PI4KA: variants seen among roughly 807,000 people sequenced by gnomAD.
PI4KA encodes phosphatidylinositol 4-kinase alpha.
In PI4KA, 122 loss-of-function variants were observed where a neutral mutation model predicts 271.4. The ratio of observed to expected loss-of-function variants is 0.45; its 90% CI spans 0.39 to 0.52. The LOEUF is 0.52. PI4KA is among the 20% of genes least tolerant of loss of function. The pLI is 0.00. For synonymous variants in PI4KA, 1,041 were observed against 1,078.8 expected (o/e 0.96, Z 0.69); for missense variants, 1,969 against 2,769.1 (o/e 0.71, Z 6.48).
At chr22:20,837,048 AT>A (rs1235862884) in intron 2 of PI4KA, among the ~76,000 whole-genome samples, 1 of 152,056 alleles carries the variant, frequency 6.6e-6, no homozygotes, top group African/African-American at 2.4e-5. Flanking sequence ...TATGTAGGAT[AT>A]GGTAAACAGA....
intron 19 of PI4KA, 99 bp from the exon 20 acceptor site, chr22:20,765,792 A>G: frequency 1.3e-6 from 1 of 757,294 alleles, no homozygotes; most frequent in Non-Finnish European, 2.3e-6. Context: ...CTCTAAGAGC[A>G]TTCTCAGAAA....
At chr22:20,731,454 T>C (rs181700510) in intron 36 of PI4KA, among the ~76,000 whole-genome samples, 1 of 152,260 alleles carries the variant, frequency 6.6e-6, no homozygotes, top group East Asian at 1.9e-4. Context: ...CCAGGCAATG[T>C]GGCCCACACC....
chr22:20,725,175 G>T (rs958123767), intron 42 of PI4KA, among the ~76,000 whole-genome samples: 1 of 152,204 alleles, frequency 6.6e-6, no homozygotes, highest in African/African-American at 2.4e-5. Flanking sequence ...ACTCAGCCAG[G>T]ACACATGGAG....
chr22:20,848,099 A>C (rs1195107000), intron 1 of PI4KA, among the ~76,000 whole-genome samples: 3 of 152,066 alleles, frequency 2.0e-5, no homozygotes, highest in African/African-American at 7.2e-5. Flanking sequence ...TTAGCCGGGC[A>C]TGGTTGTGCA....
At chr22:20,722,670 T>TC (rs1926880788) in intron 42 of PI4KA, among the ~76,000 whole-genome samples, 1 of 152,192 alleles carries the variant, frequency 6.6e-6, no homozygotes, top group South Asian at 2.1e-4. Flanking sequence ...AACTCCAGTT[T>TC]TAATTCCATG....
intron 43 of PI4KA, among the ~76,000 whole-genome samples, chr22:20,719,646 CAA>C (rs1009606364): frequency 7.9e-5 from 12 of 151,858 alleles, no homozygotes; most frequent in Non-Finnish European, 1.5e-4. Flanking sequence ...TGAAAATGAA[CAA>C]AAAATAAATC....
At chr22:20,796,395 G>A in intron 17 of PI4KA, 81 bp from the exon 18 acceptor site, 1 of 1,389,858 alleles carries the variant, frequency 7.2e-7, no homozygotes, top group Non-Finnish European at 9.9e-7. Flanking sequence ...GGTGAGGCGA[G>A]CTGAGCGGGC....
chr22:20,735,104 T>C (rs1246509034), intron 32 of PI4KA, among the ~76,000 whole-genome samples: 7 of 151,466 alleles, frequency 4.6e-5, no homozygotes, highest in African/African-American at 1.7e-4. Context: ...GCTGCTCCCA[T>C]GGCCCAGTCA....
chr22:20,772,539 G>A (rs149218133), intron 19 of PI4KA, among the ~76,000 whole-genome samples: 14 of 152,250 alleles, frequency 9.2e-5, no homozygotes, highest in Admixed American at 6.5e-5. Context: ...CACAACCACC[G>A]GTCTGTGTCC....
Position 20,807,465 on chromosome 22 carries a change from G to T in PI4KA, c.1072-7C>A. The T allele has an allele frequency of 6.4e-7, 1 of 1,563,378 alleles. No homozygotes were observed. Reference sequence around the variant, plus strand: ...GATCAGCACTGGGGTTGGCCTGCAGGGAAGGCAGACACACATGACTATAGA... The same window carrying T: ...GATCAGCACTGGGGTTGGCCTGCAGTGAAGGCAGACACACATGACTATAGA... On this transcript the variant is annotated splice_polypyrimidine_tract_variant and splice_region_variant and intron_variant, in intron 9 of 54. Transcript: ENST00000255882.
rs766189184 is a variant in PI4KA at position 20,813,525 on chromosome 22, G to A, written c.857-19C>T. ...CAGGAGGCTGGTGGGAGATAAAGCT[G>A]GAAACTCAGCCGTGGTGACAGGCAA... On this transcript the variant is annotated intron_variant, in intron 7 of 54. Transcript: ENST00000255882. The A allele has an allele frequency of 1.9e-6, 3 of 1,612,062 alleles. No individual in the cohort carries two copies. The highest frequency in any genetic ancestry group is 2.5e-6 in the Non-Finnish European group (3 of 1,178,826).
At chr22:20,841,002 A>G (rs1282697509) in intron 1 of PI4KA, among the ~76,000 whole-genome samples, 3 of 152,186 alleles carry the variant, frequency 2.0e-5, no homozygotes, top group Non-Finnish European at 4.4e-5. Context: ...GTGAGACAGG[A>G]AGTCAACACA....
chr22:20,825,039 C>T (rs1033413202), intron 3 of PI4KA, among the ~76,000 whole-genome samples: 2 of 109,814 alleles, frequency 1.8e-5, no homozygotes, highest in African/African-American at 7.2e-5. Context: ...CACTGTACTC[C>T]AGCCTGGGTG....
Position 20,714,524 on chromosome 22 carries a change from C to T in PI4KA, c.5395G>A (p.Ala1799Thr). The T allele has an allele frequency of 6.2e-7, 1 of 1,613,772 alleles. No individual in the cohort carries two copies. The highest frequency in any genetic ancestry group is 8.5e-7 in the Non-Finnish European group (1 of 1,179,736). The change falls in exon 47 of 55, where the codon GCA becomes ACA. Residue 1799 changes from alanine to threonine, a missense_variant. Coordinates refer to ENST00000255882, the MANE Select transcript of PI4KA (RefSeq NM_058004.4). ...YKSGTPMQSA[A>T]KAPYLAKFKV... ...AACTTGGCCAGATATGGGGCTTTTG[C>T]AGCACTGAAAACAACAAAAAGAATG...
rs977849066 is a variant in PI4KA, at chr22:20,712,591, G to C, written c.5697C>G (p.Ile1899Met). Residue 1899 changes from isoleucine to methionine, a missense_variant, in exon 50 of 55, where the codon ATC (isoleucine) becomes ATG (methionine). Around this residue, in one of 13 missense-constraint regions of PI4KA, gnomAD observed 110 missense variants for 349.8 expected, o/e 0.31. Coordinates refer to ENST00000255882, the MANE Select transcript of PI4KA (RefSeq NM_058004.4). ...TAPGCGVIECIPDCTSRDQLG... is the reference protein window; with the variant it reads ...TAPGCGVIECMPDCTSRDQLG... ...GCTGGTCCCGGGAGGTGCAGTCGGG[G>C]ATGCACTCGATCACCCCGCACTAGG... is the stretch of plus-strand genomic sequence containing the variant. 6.3e-7 allele frequency: 1 copy of C among 1,585,092 alleles called. No homozygotes were observed. Among genetic ancestry groups the C allele is most frequent in the Non-Finnish European group, 8.6e-7 (1 of 1,166,902 alleles).
At chr22:20,764,266 G>A (rs1218937932) in intron 22 of PI4KA, among the ~76,000 whole-genome samples, 3 of 152,250 alleles carry the variant, frequency 2.0e-5, no homozygotes, top group African/African-American at 4.8e-5. Context: ...CACAGTACCT[G>A]GTACAGCACA....
intron 8 of PI4KA, among the ~76,000 whole-genome samples, chr22:20,812,937 G>A (rs570092098): frequency 2.0e-5 from 3 of 152,252 alleles, no homozygotes; most frequent in East Asian, 3.9e-4. Flanking sequence ...CACCCTCAAT[G>A]TCATCCAAAG....
intron 1 of PI4KA, among the ~76,000 whole-genome samples, chr22:20,841,305 C>G (rs985839741): frequency 6.6e-6 from 1 of 152,190 alleles, no homozygotes; most frequent in Non-Finnish European, 1.5e-5. Flanking sequence ...TTTAGCCATA[C>G]TGCCAGTGCA....
Position 20,726,612 on chromosome 22 carries a change from G to A in PI4KA, c.4942-71C>T, listed in dbSNP as rs1335727644. 4.4e-6 allele frequency: 6 copies of A among 1,378,308 alleles called. No individual in the cohort carries two copies. The African/African-American group carries it at 7.5e-5, about 17-fold the overall frequency. 85.4% of individuals were successfully genotyped at this position (1,378,308 alleles called of 1,614,324 possible). ...CACCCAACCCTACGGCCCAGGCCCT[G>A]CCTCTGCTTCTGCTCTGCCCACAGC... On this transcript the variant is annotated intron_variant, in intron 41 of 54. Transcript: ENST00000255882.
Sources: gnomAD v4.1 joint callset for allele counts (sites outside exome capture counted in the v4.1 genomes callset) on GRCh38, gnomAD v4.1.1 for gene constraint, gnomAD v4.1.1 regional missense constraint, MANE v1.5 for transcripts, NCBI Gene and HGNC (gene_info 2026-07-23, HGNC 2026-07-21) for gene names.